The following KCTD8 variants were observed in gnomAD, a reference collection of about 807,000 sequenced individuals.
KCTD8 encodes the protein BTB/POZ domain-containing protein KCTD8.
In KCTD8, 27 loss-of-function variants were observed where a neutral mutation model predicts 31.5. The ratio of observed to expected loss-of-function variants is 0.86; its 90% confidence interval spans 0.63 to 1.18. KCTD8 has a LOEUF of 1.18. Ranked by LOEUF, KCTD8 falls within the 50% of genes most tolerant of loss-of-function variation. KCTD8 has a pLI of 0.00. For missense variants in KCTD8, 658 were observed against 647.7 expected (o/e 1.02, Z -0.17); for synonymous variants, 290 against 280.0 (o/e 1.04, Z -0.36).
At chr4:44,319,927 G>A (rs757266273) in intron 1 of KCTD8, among the ~76,000 whole-genome samples, 1 of 151,810 alleles carries the variant, frequency 6.6e-6, no homozygotes, top group African/African-American at 2.4e-5. Flanking sequence ...ATCCCAGCAC[G>A]TTGGGAGGCC....
intron 1 of KCTD8, among the ~76,000 whole-genome samples, chr4:44,273,868 A>C (rs1432980501): frequency 6.6e-6 from 1 of 151,874 alleles, no homozygotes; most frequent in African/African-American, 2.4e-5. Context: ...GTTAAGTTGG[A>C]TTGTCATAGT....
chr4:44,351,075 C>A (rs1456321497), intron 1 of KCTD8, among the ~76,000 whole-genome samples: 1 of 152,128 alleles, frequency 6.6e-6, no homozygotes, highest in Non-Finnish European at 1.5e-5. Flanking sequence ...AAGGAATTCT[C>A]TCCCATTTAT....
intron 1 of KCTD8, among the ~76,000 whole-genome samples, chr4:44,255,339 T>C (rs1207092088): frequency 6.6e-6 from 1 of 151,908 alleles, no homozygotes; most frequent in East Asian, 1.9e-4. Flanking sequence ...GAGCCAGTAA[T>C]ATCATGTCTC....
chr4:44,246,518 T>G (rs1414473346), intron 1 of KCTD8, among the ~76,000 whole-genome samples: 1 of 152,084 alleles, frequency 6.6e-6, no homozygotes, highest in African/African-American at 2.4e-5. Context: ...GGAAGTAGAC[T>G]TCTTTCGGAG....
chr4:44,268,423 C>A (rs1454574988), intron 1 of KCTD8, among the ~76,000 whole-genome samples: 1 of 152,000 alleles, frequency 6.6e-6, no homozygotes, highest in East Asian at 1.9e-4. Context: ...TAGGACAAAC[C>A]CACAGCCAAT....
At chr4:44,279,430 G>C (rs1214834292) in intron 1 of KCTD8, among the ~76,000 whole-genome samples, 2 of 151,996 alleles carry the variant, frequency 1.3e-5, no homozygotes, top group African/African-American at 4.8e-5. Context: ...CATGGTGCTT[G>C]GAGTCCCAAT....
chr4:44,234,560 G>A (rs1290146558), intron 1 of KCTD8, among the ~76,000 whole-genome samples: 1 of 152,212 alleles, frequency 6.6e-6, no homozygotes, highest in African/African-American at 2.4e-5. Flanking sequence ...AAAATAAGCA[G>A]AGAGGAGTGC....
At chr4:44,274,112 T>C (rs1425087094) in intron 1 of KCTD8, among the ~76,000 whole-genome samples, 4 of 151,892 alleles carry the variant, frequency 2.6e-5, no homozygotes, top group Non-Finnish European at 5.9e-5. Context: ...TGGCCAAATT[T>C]AGATAAAGTA....
chr4:44,201,655 T>C (rs1201031414), intron 1 of KCTD8, among the ~76,000 whole-genome samples: 1 of 152,072 alleles, frequency 6.6e-6, no homozygotes, highest in Non-Finnish European at 1.5e-5. Flanking sequence ...TAACTCAAGA[T>C]GGATTAAAGA....
chr4:44,409,939 T>C (rs1249131364), intron 1 of KCTD8, among the ~76,000 whole-genome samples: 1 of 152,166 alleles, frequency 6.6e-6, no homozygotes, highest in African/African-American at 2.4e-5. Flanking sequence ...ACTGGGGCTT[T>C]TATTGCAAGT....
chr4:44,266,546 T>C (rs1227948318), intron 1 of KCTD8, among the ~76,000 whole-genome samples: 1 of 151,928 alleles, frequency 6.6e-6, no homozygotes, highest in Non-Finnish European at 1.5e-5. Flanking sequence ...CATAACAATA[T>C]TAACTTTAAA....
At chr4:44,353,949 T>G (rs1719280225) in intron 1 of KCTD8, among the ~76,000 whole-genome samples, 1 of 152,146 alleles carries the variant, frequency 6.6e-6, no homozygotes, top group African/African-American at 2.4e-5. Context: ...ATGCTTTGGA[T>G]TGCTCCAACC....
chr4:44,345,420 G>A (rs1249858059), intron 1 of KCTD8, among the ~76,000 whole-genome samples: 4 of 151,996 alleles, frequency 2.6e-5, no homozygotes, highest in Admixed American at 2.6e-4. Context: ...TTTATACAAG[G>A]CAAAATGAAG....
At chr4:44,333,221 G>A (rs186439143) in intron 1 of KCTD8, among the ~76,000 whole-genome samples, 281 of 152,132 alleles carry the variant, frequency 1.8e-3, no homozygotes, top group Non-Finnish European at 2.4e-3. Flanking sequence ...TATTAAAGAT[G>A]AAGACAGACA....
chr4:44,378,101 C>CA (rs142493623), intron 1 of KCTD8, among the ~76,000 whole-genome samples: 113 of 142,696 alleles, frequency 7.9e-4, no homozygotes, highest in East Asian at 2.0e-3. Context: ...TATAAGAAAG[C>CA]AAAAAAAAAA....
At chr4:44,439,693 A>G (rs1411860617) in intron 1 of KCTD8, among the ~76,000 whole-genome samples, 1 of 152,134 alleles carries the variant, frequency 6.6e-6, no homozygotes, top group African/African-American at 2.4e-5. Flanking sequence ...ATACCTTATC[A>G]GTATTATCAG....
chr4:44,394,099 T>A lies in KCTD8; in HGVS notation c.961+53464A>T, dbSNP rs139097124. Among the ~76,000 whole-genome samples, 574 of 152,102 alleles carry A rather than the reference T, an allele frequency of 3.8e-3. 2 individuals are homozygous for A. The highest frequency in any genetic ancestry group is 0.013 in the African/African-American group (547 of 41,546). On this transcript the variant is annotated intron_variant, in intron 1 of 1. Transcript: ENST00000360029. ...CATTAGGAAGTGCTGAAAATAATAC[T>A]TATTTCAAAATATAGAAAATTCATT...
intron 1 of KCTD8, among the ~76,000 whole-genome samples, chr4:44,297,161 T>A (rs1435566290): frequency 1.3e-5 from 2 of 152,066 alleles, no homozygotes; most frequent in African/African-American, 4.8e-5. Flanking sequence ...AATACTAAGT[T>A]AAAAAAATAT....
At chr4:44,221,022 A>C (rs1243547617) in intron 1 of KCTD8, among the ~76,000 whole-genome samples, 5 of 152,162 alleles carry the variant, frequency 3.3e-5, no homozygotes, top group African/African-American at 1.2e-4. Flanking sequence ...GTATGTCGTC[A>C]TCACTGCTGA....
Sources: gnomAD v4.1 joint callset for allele counts (sites outside exome capture counted in the v4.1 genomes callset) on GRCh38, gnomAD v4.1.1 for gene constraint, MANE v1.5 for transcripts, NCBI Gene and HGNC (gene_info 2026-07-23, HGNC 2026-07-21) for gene names.